Variants in MEGF10 observed in about 807,000 individuals in gnomAD.
The protein encoded by MEGF10 is multiple epidermal growth factor-like domains protein 10.
In MEGF10, 86 loss-of-function variants were observed where a neutral mutation model predicts 147.5. That is an observed-to-expected ratio of 0.58 (90% CI 0.49 to 0.70). The LOEUF is 0.70. Among genes scored for constraint, MEGF10 ranks in the 30% least tolerant of loss-of-function variants. MEGF10 has a pLI of 0.00. For missense variants in MEGF10, 1,329 were observed against 1,487.3 expected, an observed-to-expected ratio of 0.89 and a Z score of 1.75; for synonymous variants, 478 against 525.5, an observed-to-expected ratio of 0.91 and a Z score of 1.24.
rs544593870 is a variant in MEGF10 at position 127,402,748 on chromosome 5, G to A, written c.917+66G>A. The A allele has an allele frequency of 5.4e-5, 84 of 1,557,062 alleles. No individual in the cohort carries two copies. The African/African-American group carries it at 7.5e-4, about 14-fold the overall frequency. On this transcript the variant is annotated intron_variant, in intron 8 of 24. Transcript: ENST00000503335. ...TGTGAAAGGAAAGTTTGTAGGGTCC[G>A]GGGAGCATCTTCAATACCATGTGTC...
intron 7 of MEGF10, among the ~76,000 whole-genome samples, chr5:127,400,682 G>A (rs1442063580): frequency 6.6e-6 from 1 of 152,114 alleles, no homozygotes; most frequent in African/African-American, 2.4e-5. Context: ...TTGCCTTGAG[G>A]CTGAAGCTCT....
intron 4 of MEGF10, among the ~76,000 whole-genome samples, chr5:127,354,154 T>C (rs1288602307): frequency 1.3e-5 from 2 of 152,206 alleles, no homozygotes; most frequent in South Asian, 2.1e-4. Context: ...GGTTGGTGTC[T>C]ATATGAAAAA....
chr5:127,452,121 G>A (rs1420894657), intron 22 of MEGF10, among the ~76,000 whole-genome samples: 1 of 152,184 alleles, frequency 6.6e-6, no homozygotes, highest in Admixed American at 6.5e-5. Context: ...AATCCTGACT[G>A]CTCCCTCATT....
At chr5:127,235,995 A>G in the MEGF10 span, among the ~76,000 whole-genome samples, 2 of 150,888 alleles carry the variant, frequency 1.3e-5, no homozygotes, top group African/African-American at 2.4e-5. Context: ...TTTTTTTGAG[A>G]CAGAGTCTCG....
At position 127,419,222 on chromosome 5, in the gene MEGF10, T is replaced by C. The variant is rs558358201; in HGVS notation, c.1408T>C (p.Ser470Pro). 2 of 1,613,820 alleles carry C rather than the reference T, an allele frequency of 1.2e-6. No homozygotes were observed. Among genetic ancestry groups the C allele is most frequent in the East Asian group, 4.5e-5 (2 of 44,876 alleles). ...TGCAGTCTGCTCTCCTGTGGACGGG[T>C]CTTGTACTTGCAAGGCAGGTAAGAA... is the stretch of plus-strand genomic sequence containing the variant. Reference protein sequence around the residue: ...NDAVCSPVDGSCTCKAGWHGV... With the variant: ...NDAVCSPVDGPCTCKAGWHGV... The change falls in exon 11 of 25, where the codon TCT (serine) becomes CCT (proline). Residue 470 changes from serine to proline, a missense_variant. Ser to Pro is a moderately conservative substitution (Grantham distance 74, BLOSUM62 -1). Coordinates refer to ENST00000503335, the MANE Select transcript of MEGF10 (RefSeq NM_001256545.2).
At chr5:127,433,604 T>A (rs1765462398) in intron 14 of MEGF10, 95 bp downstream of exon 14, 1 of 1,444,284 alleles carries the variant, frequency 6.9e-7, no homozygotes. Context: ...TTTATAGTGA[T>A]GTCCTGTTGC....
rs1237052306 is a variant in MEGF10 at position 127,331,287 on chromosome 5, G to A, written c.-18-4G>A. ...TTCTAATTGGGATTTTTTCTTTCTT[G>A]TAGGTTGTTCTTCAGAAAAAAATGG... On this transcript the variant is annotated splice_region_variant and splice_polypyrimidine_tract_variant and intron_variant, in intron 1 of 24. Transcript: ENST00000503335. The A allele has an allele frequency of 3.4e-6, 5 of 1,454,618 alleles. No homozygotes were observed. Among genetic ancestry groups the A allele is most frequent in the Non-Finnish European group, 4.8e-6 (5 of 1,038,980 alleles). The allele number at this position is 1,454,618 out of a possible 1,614,324, so 90.1% of individuals were successfully genotyped here.
chr5:127,304,080 A>G (rs1247067449), intron 1 of MEGF10, among the ~76,000 whole-genome samples: 2 of 152,188 alleles, frequency 1.3e-5, no homozygotes, highest in African/African-American at 4.8e-5. Context: ...GGCATATTGT[A>G]TCTCAGGTCT....
the MEGF10 span, among the ~76,000 whole-genome samples, chr5:127,237,604 G>A: frequency 5.3e-5 from 8 of 152,320 alleles, no homozygotes; most frequent in Admixed American, 4.6e-4. Flanking sequence ...TTGGGTATGG[G>A]TAGGTAGGCT....
At chr5:127,439,845 G>A (rs1765691853) in intron 17 of MEGF10, among the ~76,000 whole-genome samples, 2 of 152,178 alleles carry the variant, frequency 1.3e-5, no homozygotes. Context: ...CTGCTGTAAA[G>A]ATTAAACAAG....
chr5:127,414,695 G>A (rs927623004), intron 9 of MEGF10, among the ~76,000 whole-genome samples: 2 of 152,188 alleles, frequency 1.3e-5, no homozygotes, highest in African/African-American at 2.4e-5. Context: ...CATCCGCTGT[G>A]TATCACCTGT....
chr5:127,336,447 C>G (rs780386159), intron 2 of MEGF10, among the ~76,000 whole-genome samples: 1 of 152,026 alleles, frequency 6.6e-6, no homozygotes, highest in Non-Finnish European at 1.5e-5. Context: ...TTTGATTGTC[C>G]TTTTAATAAA....
chr5:127,333,760 C>G (rs189303179), intron 2 of MEGF10, among the ~76,000 whole-genome samples: 119 of 152,090 alleles, frequency 7.8e-4, no homozygotes, highest in Non-Finnish European at 1.2e-3. Flanking sequence ...TGATAGGAAA[C>G]GAAATGACTA....
At chr5:127,244,230 G>A in the MEGF10 span, among the ~76,000 whole-genome samples, 1 of 146,164 alleles carries the variant, frequency 6.8e-6, no homozygotes, top group Non-Finnish European at 1.5e-5. Flanking sequence ...CTTCCAGAAT[G>A]TAGGGCATAA....
intron 4 of MEGF10, 77 bp from the exon 5 acceptor site, chr5:127,369,833 G>T: frequency 9.0e-7 from 1 of 1,111,668 alleles, no homozygotes; most frequent in Non-Finnish European, 1.3e-6. Context: ...CTTGAGACTT[G>T]GATGTGCAAC....
chr5:127,375,578 A>G lies in MEGF10; in HGVS notation c.412+5576A>G, dbSNP rs557795849. Among the ~76,000 whole-genome samples, 20 of 152,326 alleles carry G rather than the reference A, an allele frequency of 1.3e-4. No homozygotes were observed. In the East Asian group the frequency reaches 3.9e-3, roughly 29 times the overall value. ...TTATTGGCATCCTAATGCGTATCCT[A>G]GCTTTTATGAGTGAATGACATTAAT... is the stretch of plus-strand genomic sequence containing the variant. On this transcript the variant is annotated intron_variant, in intron 5 of 24. Transcript: ENST00000503335.
intron 13 of MEGF10, among the ~76,000 whole-genome samples, chr5:127,430,485 G>C (rs1765356751): frequency 6.6e-6 from 1 of 152,168 alleles, no homozygotes; most frequent in African/African-American, 2.4e-5. Context: ...GCGACTTAGA[G>C]AAACACTTAC....
chr5:127,410,653 G>C, intron 9 of MEGF10, 52 bp downstream of exon 9: 1 of 1,483,966 alleles, frequency 6.7e-7, no homozygotes, highest in Non-Finnish European at 9.1e-7. Context: ...TTTTAACCTT[G>C]GTTTTCAGGA....
At chr5:127,325,153 T>A (rs1760960469) in intron 1 of MEGF10, among the ~76,000 whole-genome samples, 1 of 152,188 alleles carries the variant, frequency 6.6e-6, no homozygotes, top group Non-Finnish European at 1.5e-5. Context: ...CTTTTTCAAG[T>A]CCCTGCTCAA....
Sources: gnomAD v4.1 joint callset for allele counts (sites outside exome capture counted in the v4.1 genomes callset) on GRCh38, gnomAD v4.1.1 for gene constraint, MANE v1.5 for transcripts, NCBI Gene and HGNC (gene_info 2026-07-23, HGNC 2026-07-21) for gene names.